GALNTL6: variants seen among roughly 807,000 people sequenced by gnomAD.
GALNTL6 encodes polypeptide N-acetylgalactosaminyltransferase like 6, also known as polypeptide N-acetylgalactosaminyltransferase-like 6.
Under a neutral mutation model 73.7 loss-of-function variants are expected in GALNTL6, and 46 were observed. That is an observed-to-expected ratio of 0.62 (90% CI 0.49 to 0.80). The LOEUF (loss-of-function observed/expected upper bound fraction) is 0.80, where lower values mean the gene tolerates loss of function less well. Ranked by LOEUF, GALNTL6 falls within the 30% of genes least tolerant of loss-of-function variation. GALNTL6 has a pLI of 0.00. For synonymous variants in GALNTL6, 259 were observed against 263.7 expected, an observed-to-expected ratio of 0.98 and a Z score of 0.17; for missense variants, 604 against 755.0, an observed-to-expected ratio of 0.80 and a Z score of 2.34.
intron 3 of GALNTL6, among the ~76,000 whole-genome samples, chr4:172,237,914 T>C: frequency 6.6e-6 from 1 of 152,152 alleles, no homozygotes; most frequent in South Asian, 2.1e-4. Flanking sequence ...TGGCTTTAAA[T>C]CTGGGGTCTC....
intron 3 of GALNTL6, among the ~76,000 whole-genome samples, chr4:172,249,449 G>C (rs1352605911): frequency 2.0e-5 from 3 of 152,204 alleles, no homozygotes; most frequent in African/African-American, 7.2e-5. Flanking sequence ...ATTCAAGCCT[G>C]CTGCAGAAAA....
At chr4:172,142,490 G>C (rs912417984) in intron 2 of GALNTL6, among the ~76,000 whole-genome samples, 1 of 151,988 alleles carries the variant, frequency 6.6e-6, no homozygotes. Flanking sequence ...GCATAGCTCT[G>C]TGCTGCATCT....
chr4:172,417,119 A>G (rs1198848305), intron 5 of GALNTL6, among the ~76,000 whole-genome samples: 1 of 152,130 alleles, frequency 6.6e-6, no homozygotes, highest in African/African-American at 2.4e-5. Flanking sequence ...AGAAACCTTA[A>G]TATTGTCTAA....
chr4:172,719,990 G>A (rs577666912), intron 5 of GALNTL6, among the ~76,000 whole-genome samples: 1 of 152,250 alleles, frequency 6.6e-6, no homozygotes, highest in East Asian at 1.9e-4. Context: ...GCAGTAGTGA[G>A]GACGACCGGA....
At chr4:172,630,275 A>G (rs1739337857) in intron 5 of GALNTL6, among the ~76,000 whole-genome samples, 1 of 152,234 alleles carries the variant, frequency 6.6e-6, no homozygotes, top group Non-Finnish European at 1.5e-5. Flanking sequence ...ACCTGAGGTC[A>G]AAGAATCAAA....
intron 10 of GALNTL6, among the ~76,000 whole-genome samples, chr4:172,990,843 C>G (rs1441904303): frequency 6.6e-6 from 1 of 152,124 alleles, no homozygotes; most frequent in Non-Finnish European, 1.5e-5. Context: ...AGGAATCTTA[C>G]AAAGTTTTGA....
At chr4:172,432,403 A>C (rs1731487588) in intron 5 of GALNTL6, among the ~76,000 whole-genome samples, 1 of 152,012 alleles carries the variant, frequency 6.6e-6, no homozygotes, top group African/African-American at 2.4e-5. Flanking sequence ...CAACTGAAAC[A>C]TGAGCAGAAT....
chr4:172,017,007 T>C (rs893769068), intron 2 of GALNTL6, among the ~76,000 whole-genome samples: 2 of 152,128 alleles, frequency 1.3e-5, no homozygotes, highest in Non-Finnish European at 2.9e-5. Flanking sequence ...TTTATTTATT[T>C]ACTTAATTTT....
intron 2 of GALNTL6, among the ~76,000 whole-genome samples, chr4:171,920,934 C>T (rs1168364244): frequency 6.6e-6 from 1 of 151,962 alleles, no homozygotes; most frequent in Non-Finnish European, 1.5e-5. Context: ...CTTTTGACTC[C>T]TTCAGTTGTA....
intron 5 of GALNTL6, among the ~76,000 whole-genome samples, chr4:172,562,101 A>T (rs1385047033): frequency 6.6e-6 from 1 of 152,208 alleles, no homozygotes; most frequent in Non-Finnish European, 1.5e-5. Flanking sequence ...TGTAAGAATT[A>T]AAAAGAAGAC....
intron 5 of GALNTL6, among the ~76,000 whole-genome samples, chr4:172,640,692 G>C (rs978780983): frequency 2.0e-5 from 3 of 151,978 alleles, no homozygotes; most frequent in African/African-American, 7.3e-5. Flanking sequence ...AAATCAGATT[G>C]GTTTAAGGTC....
chr4:173,036,981 G>A (rs576970130), intron 12 of GALNTL6, among the ~76,000 whole-genome samples: 95 of 152,302 alleles, frequency 6.2e-4, no homozygotes, highest in Non-Finnish European at 2.9e-5. Flanking sequence ...GTCCAACCAG[G>A]AAAAGCACCA....
chr4:172,467,507 G>A (rs1732865268), intron 5 of GALNTL6, among the ~76,000 whole-genome samples: 1 of 152,162 alleles, frequency 6.6e-6, no homozygotes, highest in Non-Finnish European at 1.5e-5. Context: ...CCTCCAGCAG[G>A]CTCGGTTTGT....
chr4:172,206,805 G>GTTTTTTT lies in GALNTL6; in HGVS notation c.139-22849_139-22843dup, dbSNP rs778156050. ...TTGTTTTGTTTTGTTTTGTTTTTCT[G>GTTTTTTT]TTTTTTTTGTTTGTTTTTTTTTTTT... On this transcript the variant is annotated intron_variant, in intron 2 of 12. Coordinates refer to ENST00000506823, the MANE Select transcript of GALNTL6 (RefSeq NM_001034845.3). Among the ~76,000 whole-genome samples, 69 of 26,150 alleles carry GTTTTTTT rather than the reference G, an allele frequency of 2.6e-3. 7 individuals carry two copies. Among genetic ancestry groups the GTTTTTTT allele is most frequent in the African/African-American group, 5.3e-3 (56 of 10,534 alleles). 17.2% of individuals were successfully genotyped at this position (26,150 alleles called of 152,430 possible).
At position 172,961,491 on chromosome 4, in the gene GALNTL6, G is replaced by A. The variant is rs189059873; in HGVS notation, c.1371+9233G>A. Among the ~76,000 whole-genome samples, 98 of 152,138 alleles carry A rather than the reference G, an allele frequency of 6.4e-4. 1 individual carries two copies. Among genetic ancestry groups the A allele is most frequent in the Middle Eastern group, 3.4e-3 (1 of 294 alleles). ...GGCAGGCGTCCCCACGTGGTCAGAC[G>A]CCTCTGAAATGTGGGTGAATAATCA... On this transcript the variant is annotated intron_variant, in intron 10 of 12. Transcript: ENST00000506823.
In GALNTL6 at chr4:172,882,849, G is replaced by T. The variant is rs1445727813; in HGVS notation, c.983G>T (p.Gly328Val). Residue 328 changes from glycine to valine, a missense_variant, in exon 8 of 13, where the codon GGT (glycine) becomes GTT (valine). By Grantham distance (109) the Gly-to-Val change is moderately radical. Around this residue, in one of 5 missense-constraint regions of GALNTL6, gnomAD observed 179 missense variants for 230.8 expected, o/e 0.78. Transcript: ENST00000506823. ...GATCGGAAATGGTTTTGGGAATTGG[G>T]TGGCTATGATCCAGGTTTAGAAATC... Reference protein sequence around the residue: ...AVDRKWFWELGGYDPGLEIWG... With the variant: ...AVDRKWFWELVGYDPGLEIWG... 1.9e-6 allele frequency: 3 copies of T among 1,613,182 alleles called. No individual in the cohort carries two copies. Among genetic ancestry groups the T allele is most frequent in the South Asian group, 1.1e-5 (1 of 91,082 alleles).
chr4:172,882,765 A>C, intron 7 of GALNTL6, 25 bp from the exon 8 acceptor site: 1 of 1,387,640 alleles, frequency 7.2e-7, no homozygotes, highest in Non-Finnish European at 1.0e-6. Context: ...ATAGTCCTTT[A>C]AAGATTATTT....
At position 172,151,548 on chromosome 4, in the gene GALNTL6, C is replaced by T. The variant is rs544677001; in HGVS notation, c.139-78108C>T. 3.9e-5 allele frequency among the ~76,000 whole-genome samples: 6 copies of T among 152,258 alleles called. No homozygotes were observed. The East Asian group carries it at 1.2e-3, about 29-fold the overall frequency. ...TAGGTCCCTTAGGATTAGCTATCAA[C>T]GTCAGGAGGAGTGTTTTGGACATTT... On this transcript the variant is annotated intron_variant, in intron 2 of 12. Transcript: ENST00000506823.
intron 2 of GALNTL6, among the ~76,000 whole-genome samples, chr4:172,064,164 A>G (rs1374517164): frequency 6.6e-6 from 1 of 152,188 alleles, no homozygotes; most frequent in East Asian, 1.9e-4. Context: ...GCCATATTAA[A>G]TTTTGTAGAC....
Sources: allele counts gnomAD v4.1 joint callset (sites outside exome capture counted in the v4.1 genomes callset), GRCh38; gene constraint gnomAD v4.1.1; regional missense constraint gnomAD v4.1.1; transcripts MANE v1.5; gene names NCBI Gene and HGNC (gene_info 2026-07-23, HGNC 2026-07-21).